The following SLC25A26 variants were observed in gnomAD, a reference collection of about 807,000 sequenced individuals.
The protein encoded by SLC25A26 is mitochondrial S-adenosylmethionine carrier protein.
SLC25A26 carries 36 observed loss-of-function variants against 37.8 expected under a neutral mutation model. That is an observed-to-expected ratio of 0.95 (90% CI 0.73 to 1.26). The LOEUF is 1.26. Among genes scored for constraint, SLC25A26 ranks in the 50% most tolerant of loss-of-function variants. The probability of loss-of-function intolerance (pLI) is 0.00; values close to 1 mark genes in which losing one functional copy is unlikely to be tolerated. For missense variants in SLC25A26, 390 were observed against 331.1 expected (o/e 1.18, Z -1.38); for synonymous variants, 129 against 122.5 (o/e 1.05, Z -0.35).
chr3:66,294,266 A>G (rs1036244862), intron 5 of SLC25A26, among the ~76,000 whole-genome samples: 3 of 151,710 alleles, frequency 2.0e-5, no homozygotes, highest in Non-Finnish European at 2.9e-5. Flanking sequence ...ATTTCTAGGT[A>G]TTTTGTTCTT....
chr3:66,161,356 T>C (rs878865846), intron 1 of SLC25A26, among the ~76,000 whole-genome samples: 3 of 152,178 alleles, frequency 2.0e-5, no homozygotes, highest in Admixed American at 2.0e-4. Context: ...TGCTACCTTA[T>C]GTAAAGAATC....
chr3:66,283,574 G>T (rs1167558423), intron 5 of SLC25A26, among the ~76,000 whole-genome samples: 3 of 152,114 alleles, frequency 2.0e-5, no homozygotes, highest in Admixed American at 2.0e-4. Context: ...ACTGTGCCTG[G>T]CCCAAACTCT....
chr3:66,249,169 G>C (rs2107171975), intron 3 of SLC25A26, among the ~76,000 whole-genome samples: 1 of 152,276 alleles, frequency 6.6e-6, no homozygotes, highest in African/African-American at 2.4e-5. Flanking sequence ...TTTTGAGTGT[G>C]ACAATGAACT....
At chr3:66,312,350 C>T (rs1010853962) in intron 5 of SLC25A26, among the ~76,000 whole-genome samples, 2 of 152,134 alleles carry the variant, frequency 1.3e-5, no homozygotes, top group African/African-American at 4.8e-5. Flanking sequence ...ACCCAATCAC[C>T]CCAGGTCGAC....
chr3:66,241,651 C>G (rs991843819), intron 2 of SLC25A26, among the ~76,000 whole-genome samples: 14 of 152,116 alleles, frequency 9.2e-5, no homozygotes, highest in Admixed American at 2.0e-4. Context: ...CAAAAATAGC[C>G]TTGTTTTACT....
chr3:66,249,837 C>T (rs11925183), intron 3 of SLC25A26, among the ~76,000 whole-genome samples: 4,452 of 152,240 alleles, frequency 0.029, 195 homozygotes, highest in African/African-American at 0.097. Flanking sequence ...AATGAAGGTT[C>T]ATCAATAGTG....
At chr3:66,356,802 A>AT (rs1287738546) in intron 6 of SLC25A26, among the ~76,000 whole-genome samples, 1 of 151,746 alleles carries the variant, frequency 6.6e-6, no homozygotes, top group African/African-American at 2.4e-5. Context: ...TAATTTTTAA[A>AT]TTTTTTTGTA....
chr3:66,374,323 T>C (rs1575626483), intron 9 of SLC25A26, among the ~76,000 whole-genome samples: 1 of 152,362 alleles, frequency 6.6e-6, no homozygotes, highest in East Asian at 1.9e-4. Flanking sequence ...ATTTTCATTA[T>C]CATATCTGCT....
intron 3 of SLC25A26, among the ~76,000 whole-genome samples, chr3:66,252,231 A>C (rs2073112538): frequency 6.6e-6 from 1 of 152,210 alleles, no homozygotes; most frequent in African/African-American, 2.4e-5. Context: ...TCTTGAATTA[A>C]ATGCAACTGT....
chr3:66,241,408 T>A (rs2072578976), intron 2 of SLC25A26, among the ~76,000 whole-genome samples: 1 of 152,214 alleles, frequency 6.6e-6, no homozygotes, highest in South Asian at 2.1e-4. Flanking sequence ...TCTACACTCA[T>A]TCTTCTAAAG....
intron 5 of SLC25A26, among the ~76,000 whole-genome samples, chr3:66,323,583 A>G (rs1344700370): frequency 6.6e-6 from 1 of 152,066 alleles, no homozygotes; most frequent in African/African-American, 2.4e-5. Flanking sequence ...AGGCAGGCGG[A>G]TTGGTTGAGC....
At chr3:66,324,568 G>T (rs557001640) in intron 5 of SLC25A26, among the ~76,000 whole-genome samples, 117 of 152,202 alleles carry the variant, frequency 7.7e-4, no homozygotes, top group Non-Finnish European at 1.4e-3. Context: ...AGGGTATCTG[G>T]TCCCTAAGCA....
intron 5 of SLC25A26, among the ~76,000 whole-genome samples, chr3:66,323,387 C>T (rs2075748194): frequency 6.6e-6 from 1 of 152,240 alleles, no homozygotes; most frequent in African/African-American, 2.4e-5. Context: ...CCAACAAGTT[C>T]TTGCCTGCTG....
intron 1 of SLC25A26, among the ~76,000 whole-genome samples, chr3:66,175,221 G>C (rs565929818): frequency 6.8e-6 from 1 of 147,314 alleles, no homozygotes; most frequent in African/African-American, 2.5e-5. Context: ...CTATATAAAG[G>C]TTTATTTATT....
At chr3:66,247,882 A>G (rs1252770311) in intron 3 of SLC25A26, among the ~76,000 whole-genome samples, 3 of 152,236 alleles carry the variant, frequency 2.0e-5, no homozygotes, top group African/African-American at 7.2e-5. Flanking sequence ...AGAAACCAAC[A>G]GGTGAATTTA....
chr3:66,359,234 G>A (rs2076643605), intron 6 of SLC25A26, among the ~76,000 whole-genome samples: 2 of 152,118 alleles, frequency 1.3e-5, no homozygotes, highest in African/African-American at 2.4e-5. Context: ...ATTATAACAG[G>A]CACCTCTGTG....
At chr3:66,293,442 G>A (rs551529760) in intron 5 of SLC25A26, among the ~76,000 whole-genome samples, 5 of 149,934 alleles carry the variant, frequency 3.3e-5, no homozygotes, top group Admixed American at 1.3e-4. Flanking sequence ...AGGGAGACTT[G>A]TGTCATGGAG....
chr3:66,216,872 G>T (rs947640813), upstream of SLC25A26, among the ~76,000 whole-genome samples: 22 of 152,162 alleles, frequency 1.4e-4, no homozygotes, highest in African/African-American at 4.6e-4. Flanking sequence ...TGGTGATAAT[G>T]ATGATGCATT....
At chr3:66,352,488 C>A (rs1362833858) in intron 6 of SLC25A26, among the ~76,000 whole-genome samples, 5 of 148,274 alleles carry the variant, frequency 3.4e-5, no homozygotes, top group Admixed American at 2.7e-4. Flanking sequence ...TGTAGATCTC[C>A]CTGCTAGAAA....
Sources: allele counts gnomAD v4.1 joint callset (sites outside exome capture counted in the v4.1 genomes callset), GRCh38; gene constraint gnomAD v4.1.1; transcripts MANE v1.5; gene names NCBI Gene and HGNC (gene_info 2026-07-23, HGNC 2026-07-21).